The following FAM193A variants were observed in gnomAD, a reference collection of about 807,000 sequenced individuals.
FAM193A encodes the protein protein FAM193A.
FAM193A carries 22 observed loss-of-function variants against 126.5 expected under a neutral mutation model. That is an observed-to-expected ratio of 0.17 (90% CI 0.12 to 0.25). The LOEUF (loss-of-function observed/expected upper bound fraction) is 0.25. Among genes scored for constraint, FAM193A ranks in the 10% least tolerant of loss-of-function variants. The pLI is 1.00. For synonymous variants in FAM193A, 761 were observed against 646.8 expected (o/e 1.18, Z -2.68); for missense variants, 1,675 against 1,672.8 (o/e 1.00, Z -0.02).
At chr4:2,618,884 C>T (rs552135551) in intron 2 of FAM193A, among the ~76,000 whole-genome samples, 114 of 152,254 alleles carry the variant, frequency 7.5e-4, no homozygotes, top group African/African-American at 2.3e-3. Flanking sequence ...GTGTGAGCCA[C>T]TGCGCCTGGC....
At chr4:2,545,956 T>C (rs1278738371) in intron 1 of FAM193A, among the ~76,000 whole-genome samples, 2 of 152,138 alleles carry the variant, frequency 1.3e-5, no homozygotes, top group African/African-American at 4.8e-5. Context: ...GAGACCAGCC[T>C]GACCAACATG....
intron 1 of FAM193A, among the ~76,000 whole-genome samples, chr4:2,565,337 A>G (rs1480099196): frequency 1.6e-5 from 2 of 127,494 alleles, no homozygotes; most frequent in East Asian, 5.1e-4. Flanking sequence ...TCAGTTTACT[A>G]CATCCTCTGC....
chr4:2,595,054 C>T (rs1216908506), intron 1 of FAM193A, among the ~76,000 whole-genome samples: 2 of 143,634 alleles, frequency 1.4e-5, no homozygotes, highest in East Asian at 4.0e-4. Context: ...ATTTTTCTTT[C>T]TTTTTTTTTT....
intron 1 of FAM193A, among the ~76,000 whole-genome samples, chr4:2,573,876 C>G (rs114740848): frequency 0.024 from 3,676 of 152,194 alleles, 77 homozygotes; most frequent in Non-Finnish European, 0.04. Context: ...TTTGTTTTAT[C>G]TGGGGGAAGA....
At chr4:2,677,799 A>G (rs1184770799) in intron 13 of FAM193A, among the ~76,000 whole-genome samples, 2 of 151,752 alleles carry the variant, frequency 1.3e-5, no homozygotes. Flanking sequence ...ATTCTATATG[A>G]ATTTAGGGTG....
intron 19 of FAM193A, among the ~76,000 whole-genome samples, chr4:2,705,786 G>T (rs1391214478): frequency 6.6e-6 from 1 of 151,698 alleles, no homozygotes; most frequent in Non-Finnish European, 1.5e-5. Flanking sequence ...ACAGGGTCTT[G>T]CTACATTGCC....
At chr4:2,566,857 C>T (rs1163966260) in intron 1 of FAM193A, among the ~76,000 whole-genome samples, 1 of 151,798 alleles carries the variant, frequency 6.6e-6, no homozygotes, top group Non-Finnish European at 1.5e-5. Flanking sequence ...ATTAAAAATA[C>T]AAAAATGTGA....
chr4:2,687,734 A>G (rs539349300), intron 13 of FAM193A, among the ~76,000 whole-genome samples: 4 of 152,280 alleles, frequency 2.6e-5, no homozygotes, highest in African/African-American at 7.2e-5. Flanking sequence ...CAGCATTGCC[A>G]CAAATTGATC....
chr4:2,710,570 C>G (rs915268075), intron 19 of FAM193A, among the ~76,000 whole-genome samples: 7 of 149,434 alleles, frequency 4.7e-5, no homozygotes, highest in African/African-American at 1.5e-4. Flanking sequence ...GGCACACTCA[C>G]AGCTCACTGC....
chr4:2,577,412 T>TTTTTTTTTG, intron 1 of FAM193A, among the ~76,000 whole-genome samples: 1 of 124,148 alleles, frequency 8.1e-6, no homozygotes, highest in Admixed American at 8.0e-5. Flanking sequence ...ATTAAAGTGG[T>TTTTTTTTTG]TTTTTTTTTG....
chr4:2,583,682 C>A (rs1740078354), intron 1 of FAM193A, among the ~76,000 whole-genome samples: 1 of 152,182 alleles, frequency 6.6e-6, no homozygotes, highest in African/African-American at 2.4e-5. Context: ...CTGTACTCAG[C>A]CTTTCGCAAT....
intron 19 of FAM193A, among the ~76,000 whole-genome samples, chr4:2,709,738 A>G (rs1195992931): frequency 6.6e-6 from 1 of 151,266 alleles, no homozygotes; most frequent in Non-Finnish European, 1.5e-5. Flanking sequence ...AACACAGGAA[A>G]TTTTCTTGTT....
intron 1 of FAM193A, among the ~76,000 whole-genome samples, chr4:2,590,463 C>CAAAAAAAAAAAAAAAAAAAAAAAA: frequency 7.4e-5 from 1 of 13,564 alleles, no homozygotes; most frequent in Non-Finnish European, 1.4e-4. Flanking sequence ...GACTCCATCT[C>CAAAAAAAAAAAAAAAAAAAAAAAA]AAAAAAAAAA....
intron 1 of FAM193A, among the ~76,000 whole-genome samples, chr4:2,577,426 T>TTTTTTTTTTTTTG (rs1739661295): frequency 6.8e-6 from 1 of 146,226 alleles, no homozygotes; most frequent in African/African-American, 2.5e-5. Flanking sequence ...TTTTTTGTTT[T>TTTTTTTTTTTTTG]TTTTTTTTTT....
At chr4:2,633,852 C>T (rs529904646) in intron 5 of FAM193A, among the ~76,000 whole-genome samples, 4 of 152,144 alleles carry the variant, frequency 2.6e-5, no homozygotes, top group South Asian at 2.1e-4. Context: ...GAGATGGGGC[C>T]GCTGCACTCC....
chr4:2,718,965 A>C (rs1487402370), intron 20 of FAM193A, among the ~76,000 whole-genome samples: 1 of 152,234 alleles, frequency 6.6e-6, no homozygotes, highest in Non-Finnish European at 1.5e-5. Flanking sequence ...AGTTTTACCG[A>C]GAATTCTACC....
intron 12 of FAM193A, among the ~76,000 whole-genome samples, chr4:2,668,452 C>T (rs1168161295): frequency 6.6e-6 from 1 of 151,878 alleles, no homozygotes; most frequent in Non-Finnish European, 1.5e-5. Context: ...CTCAAGTGAT[C>T]CACCTACCTC....
intron 7 of FAM193A, among the ~76,000 whole-genome samples, chr4:2,655,424 CGTGTGTGTGTGTGCGTGTGCGCCT>C (rs1354057463): frequency 6.7e-6 from 1 of 149,098 alleles, no homozygotes; most frequent in East Asian, 1.9e-4. Flanking sequence ...TGATTTAGGA[CGTGTGTGTGTGTGCGTGTGCGCCT>C]GTGTGTGTGT....
intron 12 of FAM193A, among the ~76,000 whole-genome samples, chr4:2,665,153 T>TC (rs1303289435): frequency 2.0e-5 from 3 of 152,206 alleles, no homozygotes; most frequent in Non-Finnish European, 4.4e-5. Context: ...CTTTAATTTT[T>TC]CTCAGTAGTT....
Sources: allele counts gnomAD v4.1 joint callset (sites outside exome capture counted in the v4.1 genomes callset), GRCh38; gene constraint gnomAD v4.1.1; transcripts MANE v1.5; gene names NCBI Gene and HGNC (gene_info 2026-07-23, HGNC 2026-07-21).